PCDH10: variants seen among roughly 807,000 people sequenced by gnomAD.
PCDH10 encodes protocadherin-10.
Under a neutral mutation model 74.4 loss-of-function variants are expected in PCDH10, and 15 were observed. The ratio of observed to expected loss-of-function variants is 0.20; its 90% confidence interval spans 0.13 to 0.31. The LOEUF (loss-of-function observed/expected upper bound fraction) is 0.31. PCDH10 is among the 10% of genes least tolerant of loss of function. PCDH10 has a pLI of 1.00. For synonymous variants in PCDH10, 619 were observed against 589.8 expected (o/e 1.05, Z -0.72); for missense variants, 1,260 against 1,390.2 (o/e 0.91, Z 1.49).
intron 4 of PCDH10, among the ~76,000 whole-genome samples, chr4:133,172,210 T>C (rs1236501686): frequency 6.6e-6 from 1 of 152,020 alleles, no homozygotes; most frequent in Non-Finnish European, 1.5e-5. Context: ...TTCTACTGTT[T>C]AATCCATTAA....
At chr4:133,156,497 G>C (rs994899157) in intron 3 of PCDH10, among the ~76,000 whole-genome samples, 1 of 152,184 alleles carries the variant, frequency 6.6e-6, no homozygotes, top group African/African-American at 2.4e-5. Flanking sequence ...TTATATGTGC[G>C]TACAAAGTCC....
intron 4 of PCDH10, among the ~76,000 whole-genome samples, chr4:133,179,277 C>G (rs1727360526): frequency 6.6e-6 from 1 of 152,116 alleles, no homozygotes; most frequent in East Asian, 1.9e-4. Context: ...CTTTTACTAT[C>G]TAGCTTTTAA....
At chr4:133,167,800 A>G (rs1727117964) in intron 4 of PCDH10, among the ~76,000 whole-genome samples, 1 of 151,342 alleles carries the variant, frequency 6.6e-6, no homozygotes, top group Non-Finnish European at 1.5e-5. Context: ...GGCCTTAGAA[A>G]TATACTAGTC....
Position 133,192,231 on chromosome 4 carries a change from A to G in PCDH10, c.*2071A>G, listed in dbSNP as rs1330144650. 6.6e-6 allele frequency: 1 copy of G among 151,662 alleles called. No homozygotes were observed. The highest frequency in any genetic ancestry group is 1.9e-4 in the East Asian group (1 of 5,180). The allele number at this position is 151,662 out of a possible 1,614,324, so 9.4% of individuals were successfully genotyped here. A position where few individuals can be genotyped will look rare whatever the true frequency, so the allele number is the denominator to read the frequency against. ...TAACATTTTCTTAAACTTTGGCATTACTACATTAATATTTTGAATGATAGA... is the reference window on the plus strand; with the variant it reads ...TAACATTTTCTTAAACTTTGGCATTGCTACATTAATATTTTGAATGATAGA... On this transcript the variant is annotated 3_prime_UTR_variant, in exon 5 of 5. Transcript: ENST00000264360.
intron 4 of PCDH10, among the ~76,000 whole-genome samples, chr4:133,170,496 C>T (rs186617846): frequency 1.8e-4 from 28 of 152,160 alleles, no homozygotes; most frequent in African/African-American, 6.7e-4. Flanking sequence ...ATTTACATCC[C>T]ATATAGAATC....
chr4:133,208,123 C>G (rs1048680824), exon 3 of PCDH10: 1 of 152,146 alleles, frequency 6.6e-6, no homozygotes. Flanking sequence ...GGCACAAGAT[C>G]AAGGGCTGTC....
chr4:133,197,149 A>G (rs1727810837), downstream of PCDH10, among the ~76,000 whole-genome samples: 1 of 152,150 alleles, frequency 6.6e-6, no homozygotes, highest in Admixed American at 6.6e-5. Flanking sequence ...TATAGCTCTC[A>G]AATAGTCCTC....
At chr4:133,167,938 A>G (rs1262687411) in intron 4 of PCDH10, among the ~76,000 whole-genome samples, 1 of 151,330 alleles carries the variant, frequency 6.6e-6, no homozygotes, top group Admixed American at 6.6e-5. Context: ...AAAAAAATTG[A>G]ACCCTGTTCA....
At chr4:133,178,956 G>C (rs564867673) in intron 4 of PCDH10, among the ~76,000 whole-genome samples, 1 of 152,070 alleles carries the variant, frequency 6.6e-6, no homozygotes, top group South Asian at 2.1e-4. Flanking sequence ...TTTTGTTGCT[G>C]TGGACACTAC....
intron 3 of PCDH10, among the ~76,000 whole-genome samples, chr4:133,157,827 C>T (rs912872212): frequency 6.6e-6 from 1 of 152,064 alleles, no homozygotes; most frequent in Non-Finnish European, 1.5e-5. Flanking sequence ...TCCACCCCCT[C>T]CTTCTTGCTT....
At chr4:133,202,696 C>T (rs972769594) in intron 2 of PCDH10, among the ~76,000 whole-genome samples, 3 of 152,080 alleles carry the variant, frequency 2.0e-5, no homozygotes, top group Non-Finnish European at 4.4e-5. Context: ...TGGTGCAAAA[C>T]TGACTGTCTT....
At chr4:133,156,883 T>C (rs1726877608) in intron 3 of PCDH10, among the ~76,000 whole-genome samples, 1 of 152,204 alleles carries the variant, frequency 6.6e-6, no homozygotes, top group South Asian at 2.1e-4. Context: ...TCAGTGCATC[T>C]TCCCAGTAGC....
At chr4:133,195,256 C>A, downstream of PCDH10, among the ~76,000 whole-genome samples, 1 of 152,140 alleles carries the variant, frequency 6.6e-6, no homozygotes. Context: ...AACTGATTTT[C>A]TTGAGTGCAA....
chr4:133,152,213 C>T lies in PCDH10; in HGVS notation c.2073C>T (p.Ser691=). 3 of 1,586,950 alleles carry T rather than the reference C, an allele frequency of 1.9e-6. No individual in the cohort carries two copies. The highest frequency in any genetic ancestry group is 2.3e-5 in the South Asian group (2 of 86,838). The change falls in exon 1 of 5, where the codon AGC becomes AGT. Residue 691 remains serine, a synonymous_variant. Coordinates refer to ENST00000264360, the MANE Select transcript of PCDH10 (RefSeq NM_032961.3). ...GAVEPQGGGG[S]GGGGSGEHQR... ...TGGAGCCCCAGGGCGGGGGCGGGAG[C>T]GGAGGCGGAGGGTCAGGAGAGCACC...
At chr4:133,199,289 AAATAATAATAATAAT>A (rs70957501), downstream of PCDH10, among the ~76,000 whole-genome samples, 55 of 136,674 alleles carry the variant, frequency 4.0e-4, no homozygotes, top group African/African-American at 1.1e-3. Context: ...CCCTGTCTCA[AAATAATAATAATAAT>A]AATAATAATA....
intron 2 of PCDH10, among the ~76,000 whole-genome samples, chr4:133,207,493 A>G (rs1355092779): frequency 6.6e-6 from 1 of 152,192 alleles, no homozygotes; most frequent in African/African-American, 2.4e-5. Context: ...GTTTGGGACT[A>G]GGATAACCAT....
rs931421301 is a variant in PCDH10 at position 133,151,881 on chromosome 4, C to T, written c.1741C>T (p.Arg581Cys). Reference protein sequence around the residue: ...APAIVAPLPGRNGTPAREVLP... With the variant: ...APAIVAPLPGCNGTPAREVLP... ...TGCCATCGTGGCGCCTCTACCAGGG[C>T]GCAACGGGACTCCAGCGCGTGAGGT... Residue 581 changes from arginine (R) to cysteine (C), a missense_variant, in exon 1 of 5, where the codon CGC (arginine) becomes TGC (cysteine). By Grantham distance (180) the Arg-to-Cys change is radical. Coordinates refer to ENST00000264360, the MANE Select transcript of PCDH10 (RefSeq NM_032961.3). 1 of 1,612,888 alleles carries T rather than the reference C, an allele frequency of 6.2e-7. No homozygotes were observed. The highest frequency in any genetic ancestry group is 1.3e-5 in the African/African-American group (1 of 74,960).
At chr4:133,156,254 TG>T (rs1256809001) in intron 3 of PCDH10, among the ~76,000 whole-genome samples, 1 of 152,168 alleles carries the variant, frequency 6.6e-6, no homozygotes, top group Non-Finnish European at 1.5e-5. Flanking sequence ...GGCTAATGTG[TG>T]CTGTGTCTGT....
At chr4:133,159,145 G>A (rs923593676) in intron 3 of PCDH10, among the ~76,000 whole-genome samples, 4 of 151,812 alleles carry the variant, frequency 2.6e-5, no homozygotes, top group African/African-American at 4.8e-5. Flanking sequence ...AAAAATAAAC[G>A]CTTTGAATGA....
Sources: gnomAD v4.1 joint callset for allele counts (sites outside exome capture counted in the v4.1 genomes callset) on GRCh38, gnomAD v4.1.1 for gene constraint, MANE v1.5 for transcripts, NCBI Gene and HGNC (gene_info 2026-07-23, HGNC 2026-07-21) for gene names.